The following ADK variants were observed in gnomAD, a reference collection of about 807,000 sequenced individuals.
The protein encoded by ADK is adenosine kinase.
A neutral mutation model predicts 44.7 loss-of-function variants in ADK; 24 were observed. The observed-to-expected ratio is 0.54, with a 90% CI of 0.39 to 0.76. ADK has a LOEUF of 0.76. Ranked by LOEUF, ADK falls within the 30% of genes least tolerant of loss-of-function variation. The pLI, the probability that ADK is intolerant of heterozygous loss-of-function variation, is 0.00. For synonymous variants in ADK, 128 were observed against 142.6 expected (o/e 0.90, Z 0.73); for missense variants, 321 against 425.1 (o/e 0.76, Z 2.15).
At chr10:74,665,775 GAGAGAGAC>G (rs1334920991) in intron 9 of ADK, among the ~76,000 whole-genome samples, 272 of 146,234 alleles carry the variant, frequency 1.9e-3, no homozygotes, top group African/African-American at 6.7e-3. Context: ...GAGAGAGAGA[GAGAGAGAC>G]AGACAGACAG....
chr10:74,660,918 G>A lies in ADK; in HGVS notation c.878-9265G>A, dbSNP rs191624638. On this transcript the variant is annotated intron_variant, in intron 9 of 10. Coordinates refer to ENST00000539909, the MANE Select transcript of ADK (RefSeq NM_006721.4). ...GTGGTGGCACGCACCTGCTGTCCCA[G>A]CTACTCAGGAGGCTGAGGCAGAAGA... Among the ~76,000 whole-genome samples the A allele has an allele frequency of 9.9e-5, 15 of 151,216 alleles. No homozygotes were observed. In the East Asian group the frequency reaches 2.9e-3, roughly 29 times the overall value.
intron 4 of ADK, among the ~76,000 whole-genome samples, chr10:74,366,421 T>G (rs913132910): frequency 2.0e-4 from 31 of 152,310 alleles, no homozygotes; most frequent in Non-Finnish European, 3.7e-4. Context: ...ATTTCTGTGA[T>G]GTTTACTTTT....
chr10:74,652,714 C>T (rs1209622104), intron 9 of ADK, among the ~76,000 whole-genome samples: 2 of 151,160 alleles, frequency 1.3e-5, no homozygotes, highest in African/African-American at 2.4e-5. Context: ...GAACTGAGAT[C>T]GCACCACTGC....
chr10:74,669,319 T>G (rs1193793681), intron 9 of ADK, among the ~76,000 whole-genome samples: 1 of 152,210 alleles, frequency 6.6e-6, no homozygotes. Flanking sequence ...CCCATAGGGA[T>G]GCAAATTTAT....
chr10:74,260,719 A>T (rs1338745995), intron 3 of ADK, among the ~76,000 whole-genome samples: 1 of 152,142 alleles, frequency 6.6e-6, no homozygotes, highest in Non-Finnish European at 1.5e-5. Context: ...TTTATATTTT[A>T]TGTTTTGTTA....
At chr10:74,553,490 C>T (rs985746237) in intron 7 of ADK, among the ~76,000 whole-genome samples, 5 of 152,070 alleles carry the variant, frequency 3.3e-5, no homozygotes, top group African/African-American at 2.4e-5. Flanking sequence ...TGAGCCACCG[C>T]GCCTGGCCTA....
intron 6 of ADK, among the ~76,000 whole-genome samples, chr10:74,446,533 G>A (rs1454752226): frequency 6.6e-6 from 1 of 152,110 alleles, no homozygotes; most frequent in Non-Finnish European, 1.5e-5. Context: ...AACTGTATAC[G>A]ATAAGCAGCT....
chr10:74,477,308 G>A lies in ADK; in HGVS notation c.556-47948G>A, dbSNP rs745466518. On this transcript the variant is annotated intron_variant, in intron 6 of 10. Transcript: ENST00000539909. ...CAGCTGCAACTTCCCAGGCACAAGCGATCCTCCCACCTCAGCCTCCCGAGT... is the reference window on the plus strand; with the variant it reads ...CAGCTGCAACTTCCCAGGCACAAGCAATCCTCCCACCTCAGCCTCCCGAGT... Among the ~76,000 whole-genome samples, 8 of 152,208 alleles carry A rather than the reference G, an allele frequency of 5.3e-5. No individual in the cohort carries two copies. In the East Asian group the frequency reaches 1.4e-3, roughly 26 times the overall value.
At chr10:74,300,664 C>T (rs555097255) in intron 3 of ADK, among the ~76,000 whole-genome samples, 46 of 152,278 alleles carry the variant, frequency 3.0e-4, no homozygotes, top group African/African-American at 1.1e-3. Flanking sequence ...CAGGTGTGAG[C>T]CACTGTGGCA....
At chr10:74,260,825 T>C (rs941853243) in intron 3 of ADK, among the ~76,000 whole-genome samples, 1 of 152,236 alleles carries the variant, frequency 6.6e-6, no homozygotes, top group Non-Finnish European at 1.5e-5. Context: ...TTCTCACATG[T>C]GGATAAAAAC....
intron 9 of ADK, among the ~76,000 whole-genome samples, chr10:74,604,081 A>G (rs1852234311): frequency 6.6e-6 from 1 of 152,054 alleles, no homozygotes; most frequent in African/African-American, 2.4e-5. Flanking sequence ...TCCTTTGCCC[A>G]CTTTTTGATG....
chr10:74,356,876 A>G (rs1271052474), intron 4 of ADK, among the ~76,000 whole-genome samples: 9 of 152,170 alleles, frequency 5.9e-5, no homozygotes, highest in Admixed American at 5.9e-4. Context: ...TCAGGACAGT[A>G]AAACTACTGA....
chr10:74,212,777 T>G (rs1379445389), intron 2 of ADK, among the ~76,000 whole-genome samples: 6 of 152,208 alleles, frequency 3.9e-5, no homozygotes, highest in African/African-American at 1.4e-4. Flanking sequence ...GCTATAGTGA[T>G]AAACCTGTTG....
chr10:74,577,515 G>A (rs1851236059), intron 7 of ADK, among the ~76,000 whole-genome samples: 1 of 150,750 alleles, frequency 6.6e-6, no homozygotes, highest in Non-Finnish European at 1.5e-5. Flanking sequence ...GAGGCTTTTG[G>A]TAGTATTTAG....
At chr10:74,587,907 G>T (rs79917475) in intron 7 of ADK, among the ~76,000 whole-genome samples, 21 of 151,588 alleles carry the variant, frequency 1.4e-4, no homozygotes, top group African/African-American at 5.1e-4. Context: ...AGAGCCTTAG[G>T]GTATATAATA....
At chr10:74,458,050 G>T (rs942916692) in intron 6 of ADK, among the ~76,000 whole-genome samples, 19 of 147,296 alleles carry the variant, frequency 1.3e-4, no homozygotes, top group African/African-American at 4.2e-4. Flanking sequence ...AAAAGAAAAA[G>T]ATTGGGTATT....
intron 9 of ADK, chr10:74,655,876 AGAAT>A (rs1854470165): frequency 1.6e-6 from 1 of 613,862 alleles, no homozygotes; most frequent in South Asian, 1.7e-5. Context: ...AGGCTGGCAA[AGAAT>A]GCTTCTACCC....
chr10:74,404,547 A>G (rs1592160578), intron 6 of ADK, among the ~76,000 whole-genome samples: 1 of 152,198 alleles, frequency 6.6e-6, no homozygotes, highest in Non-Finnish European at 1.5e-5. Context: ...TGCCAGATAT[A>G]TAGTTCTAGT....
intron 9 of ADK, among the ~76,000 whole-genome samples, chr10:74,627,919 G>A (rs1311547393): frequency 6.6e-6 from 1 of 152,146 alleles, no homozygotes; most frequent in Non-Finnish European, 1.5e-5. Flanking sequence ...TTATAGGTGT[G>A]AGCCACCACA....
Sources: gnomAD v4.1 joint callset for allele counts (sites outside exome capture counted in the v4.1 genomes callset) on GRCh38, gnomAD v4.1.1 for gene constraint, MANE v1.5 for transcripts, NCBI Gene and HGNC (gene_info 2026-07-23, HGNC 2026-07-21) for gene names.